The following CUX1 variants were observed in gnomAD, a reference collection of about 807,000 sequenced individuals.
CUX1 encodes cut like homeobox 1.
Under a neutral mutation model 158.8 loss-of-function variants are expected in CUX1, and 31 were observed. The ratio of observed to expected loss-of-function variants is 0.20; its 90% CI spans 0.15 to 0.26. The LOEUF (loss-of-function observed/expected upper bound fraction) is 0.26. CUX1 is among the 10% of genes least tolerant of loss of function. The probability of loss-of-function intolerance (pLI) is 1.00; values close to 1 mark genes in which losing one functional copy is unlikely to be tolerated. For synonymous variants in CUX1, 879 were observed against 862.1 expected, an observed-to-expected ratio of 1.02 and a Z score of -0.34; for missense variants, 1,589 against 2,014.6, an observed-to-expected ratio of 0.79 and a Z score of 4.04.
In CUX1 at chr7:101,916,029, A is replaced by T; in HGVS notation, c.31-86A>T. The T allele has an allele frequency of 3.3e-6, 3 of 910,864 alleles. No individual in the cohort carries two copies. The highest frequency in any genetic ancestry group is 2.7e-5 in the South Asian group (2 of 75,116). 56.4% of individuals were successfully genotyped at this position (910,864 alleles called of 1,614,324 possible). A position where few individuals can be genotyped will look rare whatever the true frequency, so the allele number is the denominator to read the frequency against. On this transcript the variant is annotated intron_variant, in intron 1 of 23. Coordinates refer to ENST00000292535, the MANE Select transcript of CUX1 (RefSeq NM_181552.4). This position sits in a 1 kb window ranked among gnomAD's most constrained non-coding sequence, Gnocchi z 4.4. ...TTAGAGCCACTGGGGTCTCTCCCCC[A>T]GTGTTCTGGTCAAATGCAAATAGGA... is the stretch of plus-strand genomic sequence containing the variant.
At chr7:101,817,018 C>T (rs1371735241), upstream of CUX1, 1 of 984,396 alleles carries the variant, frequency 1.0e-6, no homozygotes, top group African/African-American at 1.8e-5. This position sits in a 1 kb window ranked among gnomAD's most constrained non-coding sequence, Gnocchi z 4.1. Flanking sequence ...TGACGCGGAC[C>T]TGTTCCTCCG....
intron 20 of CUX1, among the ~76,000 whole-genome samples, chr7:102,216,530 CCCCCCACACACACACA>C (rs1797076536): frequency 1.2e-5 from 1 of 85,544 alleles, no homozygotes; most frequent in African/African-American, 5.7e-5. Flanking sequence ...ACACACTCTC[CCCCCCACACACACACA>C]CCCACACACG....
rs1789980461 is a variant in CUX1, at chr7:102,257,132, A to G, written c.*8090A>G. Reference sequence around the variant, plus strand: ...GCCTTGATCCCATGGGCCCAGCAGAAGGAAACTTACCCCAGGCCAAGGCAA... The same window carrying G: ...GCCTTGATCCCATGGGCCCAGCAGAGGGAAACTTACCCCAGGCCAAGGCAA... On this transcript the variant is annotated 3_prime_UTR_variant, in exon 24 of 24. Coordinates refer to ENST00000292535, the MANE Select transcript of CUX1 (RefSeq NM_181552.4). 3.0e-6 allele frequency: 3 copies of G among 985,350 alleles called. No homozygotes were observed. Among genetic ancestry groups the G allele is most frequent in the Non-Finnish European group, 3.6e-6 (3 of 829,918 alleles). The allele number at this position is 985,350 out of a possible 1,614,324, so 61.0% of individuals were successfully genotyped here.
chr7:102,092,927 AAAAAAGAAAG>A (rs1382861549), intron 4 of CUX1, among the ~76,000 whole-genome samples: 13 of 109,654 alleles, frequency 1.2e-4, no homozygotes, highest in African/African-American at 4.7e-4. Flanking sequence ...AAAAAAAAAA[AAAAAAGAAAG>A]AAAGAAAAGA....
In CUX1 at chr7:102,253,396, G is replaced by A; in HGVS notation, c.*4354G>A. 2 of 985,452 alleles carry A rather than the reference G, an allele frequency of 2.0e-6. No individual in the cohort carries two copies. The highest frequency in any genetic ancestry group is 2.4e-6 in the Non-Finnish European group (2 of 829,958). 61.0% of individuals were successfully genotyped at this position (985,452 alleles called of 1,614,324 possible). A position where few individuals can be genotyped will look rare whatever the true frequency, so the allele number is the denominator to read the frequency against. ...TACTTTAAGATTATGCCACAGCCAG[G>A]CCCTAAAAAGAGAGGGGAACAGGAG... On this transcript the variant is annotated 3_prime_UTR_variant, in exon 24 of 24. Coordinates refer to ENST00000292535, the MANE Select transcript of CUX1 (RefSeq NM_181552.4).
chr7:101,857,257 TG>T (rs1257517580), intron 1 of CUX1, among the ~76,000 whole-genome samples: 3 of 152,282 alleles, frequency 2.0e-5, no homozygotes, highest in Non-Finnish European at 4.4e-5. Flanking sequence ...CAGGGCATTT[TG>T]CCTGTCACAG....
At chr7:102,275,192 G>A (rs141931617) in intron 16 of CUX1, 18 of 1,371,330 alleles carry the variant, frequency 1.3e-5, no homozygotes, top group Non-Finnish European at 1.7e-5. Flanking sequence ...CCAAAGGGCC[G>A]CCTGCTGGGT....
chr7:101,890,550 C>T (rs1014033640), intron 1 of CUX1, among the ~76,000 whole-genome samples: 8 of 152,046 alleles, frequency 5.3e-5, no homozygotes, highest in Non-Finnish European at 1.0e-4. Context: ...TTCTTGGGAT[C>T]AGAGTGATAC....
intron 8 of CUX1, among the ~76,000 whole-genome samples, chr7:102,121,778 G>A (rs1479636613): frequency 1.3e-5 from 2 of 152,142 alleles, no homozygotes; most frequent in Non-Finnish European, 2.9e-5. Context: ...CCAGGAACAC[G>A]CAGATTCAGG....
intron 2 of CUX1, among the ~76,000 whole-genome samples, chr7:101,918,223 C>T (rs562586539): frequency 6.6e-6 from 1 of 152,342 alleles, no homozygotes; most frequent in Admixed American, 6.5e-5. Context: ...GTTCCTTATG[C>T]TCTGCTGATA....
intron 1 of CUX1, among the ~76,000 whole-genome samples, chr7:101,821,009 A>G (rs1792409482): frequency 6.6e-6 from 1 of 152,218 alleles, no homozygotes; most frequent in Non-Finnish European, 1.5e-5. Flanking sequence ...TAGGAACTGG[A>G]TACCTGTGAA....
chr7:101,955,912 T>G (rs1210509763), intron 2 of CUX1, among the ~76,000 whole-genome samples: 1 of 139,742 alleles, frequency 7.2e-6, no homozygotes, highest in Non-Finnish European at 1.5e-5. Context: ...GGCTGGGCCC[T>G]GTGGCTCACG....
chr7:102,173,512 A>C (rs1389144418), intron 10 of CUX1, among the ~76,000 whole-genome samples: 1 of 152,104 alleles, frequency 6.6e-6, no homozygotes, highest in African/African-American at 2.4e-5. Context: ...CCTTCCTCTA[A>C]GTTTAGACAA....
chr7:102,246,319 G>A (rs1237676670), intron 23 of CUX1, among the ~76,000 whole-genome samples: 1 of 152,164 alleles, frequency 6.6e-6, no homozygotes, highest in Non-Finnish European at 1.5e-5. Flanking sequence ...AGGGAAGGGG[G>A]AAAGACTTAC....
chr7:101,848,425 T>A (rs1795933985), intron 1 of CUX1, among the ~76,000 whole-genome samples: 1 of 152,158 alleles, frequency 6.6e-6, no homozygotes. Flanking sequence ...CTTTTAATAT[T>A]TGGTGGCAAA....
At chr7:102,033,624 A>G (rs576294772) in intron 3 of CUX1, among the ~76,000 whole-genome samples, 121 of 152,360 alleles carry the variant, frequency 7.9e-4, no homozygotes, top group African/African-American at 2.7e-3. Context: ...TGATTAAAGA[A>G]GAAACAGACA....
chr7:101,913,211 C>T (rs1422393693), intron 1 of CUX1: 4 of 361,674 alleles, frequency 1.1e-5, no homozygotes, highest in South Asian at 2.3e-5. Flanking sequence ...TCTGATCAAC[C>T]CAATCTGGGG....
At position 102,228,899 on chromosome 7, in the gene CUX1, C is replaced by G. The variant is rs960268298; in HGVS notation, c.3433+1230C>G. Among the ~76,000 whole-genome samples, 3 of 152,282 alleles carry G rather than the reference C, an allele frequency of 2.0e-5. No homozygotes were observed. In the East Asian group the frequency reaches 5.8e-4, roughly 29 times the overall value. On this transcript the variant is annotated intron_variant, in intron 21 of 23. Coordinates refer to ENST00000292535, the MANE Select transcript of CUX1 (RefSeq NM_181552.4). ...GTGCCAGGATGGCTTAGTGGAAGGT[C>G]TAACGGACCCCGGTTCTCACTCTGC... is the stretch of plus-strand genomic sequence containing the variant.
At chr7:102,246,073 C>T (rs1554536774) in intron 23 of CUX1, among the ~76,000 whole-genome samples, 3 of 152,146 alleles carry the variant, frequency 2.0e-5, no homozygotes, top group African/African-American at 7.2e-5. Flanking sequence ...TAGTAAGCAC[C>T]TTAGCCAGAT....
Sources: gnomAD v4.1 joint callset for allele counts (sites outside exome capture counted in the v4.1 genomes callset) on GRCh38, gnomAD v4.1.1 for gene constraint, Gnocchi (gnomAD v3.1) non-coding constraint, MANE v1.5 for transcripts, NCBI Gene and HGNC (gene_info 2026-07-23, HGNC 2026-07-21) for gene names.